TMEM117: variants seen among roughly 807,000 people sequenced by gnomAD.
The protein encoded by TMEM117 is transmembrane protein 117.
A neutral mutation model predicts 52.4 loss-of-function variants in TMEM117; 27 were observed. That is an observed-to-expected ratio of 0.51 (90% CI 0.38 to 0.71). The LOEUF is 0.71. Ranked by LOEUF, TMEM117 falls within the 30% of genes least tolerant of loss-of-function variation. TMEM117 has a pLI of 0.00. For missense variants in TMEM117, 556 were observed against 630.5 expected (o/e 0.88, Z 1.26); for synonymous variants, 215 against 206.3 (o/e 1.04, Z -0.36).
chr12:43,857,686 A>G (rs1048503507), intron 2 of TMEM117, among the ~76,000 whole-genome samples: 2 of 152,236 alleles, frequency 1.3e-5, no homozygotes, highest in South Asian at 4.1e-4. Flanking sequence ...GTCCTGGCTG[A>G]GTAGAGTACT....
At chr12:44,356,267 G>T (rs1463362588) in intron 6 of TMEM117, among the ~76,000 whole-genome samples, 1 of 152,116 alleles carries the variant, frequency 6.6e-6, no homozygotes, top group Non-Finnish European at 1.5e-5. Context: ...AACTGCATTT[G>T]TTGCAAACTG....
rs1369216155 is a variant in TMEM117 at position 44,010,823 on chromosome 12, C to T, written c.410+66481C>T. Among the ~76,000 whole-genome samples, 4 of 152,180 alleles carry T rather than the reference C, an allele frequency of 2.6e-5. No individual in the cohort carries two copies. The South Asian group carries it at 8.3e-4, about 31-fold the overall frequency. ...CATCCCTTGTATAATTGCTATCATTCATTTTACTTATACAAAACTGTATCT... is the reference window on the plus strand; with the variant it reads ...CATCCCTTGTATAATTGCTATCATTTATTTTACTTATACAAAACTGTATCT... On this transcript the variant is annotated intron_variant, in intron 3 of 7. Coordinates refer to ENST00000266534, the MANE Select transcript of TMEM117 (RefSeq NM_032256.3).
At chr12:44,318,899 G>A (rs1357166689) in intron 6 of TMEM117, among the ~76,000 whole-genome samples, 2 of 152,210 alleles carry the variant, frequency 1.3e-5, no homozygotes, top group African/African-American at 4.8e-5. Flanking sequence ...AGTGTCCCCT[G>A]CACCATGATC....
chr12:44,139,263 A>G (rs1458681796), intron 3 of TMEM117, among the ~76,000 whole-genome samples: 2 of 152,118 alleles, frequency 1.3e-5, no homozygotes, highest in Non-Finnish European at 2.9e-5. Context: ...GACTGCAACC[A>G]CTTATGTATG....
At chr12:44,046,054 C>G (rs1038293811) in intron 3 of TMEM117, among the ~76,000 whole-genome samples, 1 of 152,094 alleles carries the variant, frequency 6.6e-6, no homozygotes, top group African/African-American at 2.4e-5. Flanking sequence ...TCTGAATCAG[C>G]GTTCAATATA....
chr12:44,063,020 T>G (rs1176750526), intron 3 of TMEM117, among the ~76,000 whole-genome samples: 5 of 152,208 alleles, frequency 3.3e-5, no homozygotes, highest in Non-Finnish European at 7.3e-5. Context: ...AATGATGTCA[T>G]GCACCTGCTG....
At chr12:44,212,771 T>A (rs1949663720) in intron 5 of TMEM117, among the ~76,000 whole-genome samples, 1 of 152,038 alleles carries the variant, frequency 6.6e-6, no homozygotes, top group African/African-American at 2.4e-5. Context: ...AAAAATCTGT[T>A]TATTCTTGGA....
At chr12:44,024,458 C>A (rs940773638) in intron 3 of TMEM117, among the ~76,000 whole-genome samples, 1 of 151,868 alleles carries the variant, frequency 6.6e-6, no homozygotes, top group African/African-American at 2.4e-5. Flanking sequence ...CTGATGAGAA[C>A]AAGTTAAGAA....
chr12:44,102,080 T>C (rs1947870724), intron 3 of TMEM117, among the ~76,000 whole-genome samples: 1 of 151,952 alleles, frequency 6.6e-6, no homozygotes, highest in Non-Finnish European at 1.5e-5. Context: ...GTTTAAAAAT[T>C]AGAATAATGA....
intron 2 of TMEM117, among the ~76,000 whole-genome samples, chr12:43,864,667 C>T (rs930232224): frequency 1.3e-4 from 20 of 152,136 alleles, no homozygotes; most frequent in African/African-American, 4.3e-4. Context: ...CACCAATCAG[C>T]ACCCTGTCAA....
intron 5 of TMEM117, among the ~76,000 whole-genome samples, 187 bp downstream of exon 5, chr12:44,211,574 T>A (rs987431790): frequency 1.3e-5 from 2 of 152,208 alleles, no homozygotes; most frequent in Admixed American, 1.3e-4. Flanking sequence ...TTGTGTATAT[T>A]CACATTTATA....
At chr12:44,260,256 T>A (rs1391227119) in intron 5 of TMEM117, among the ~76,000 whole-genome samples, 1 of 152,170 alleles carries the variant, frequency 6.6e-6, no homozygotes, top group African/African-American at 2.4e-5. Context: ...CACTGGTAAT[T>A]TTTATGGTAA....
chr12:43,967,444 G>A (rs1945504131), intron 3 of TMEM117, among the ~76,000 whole-genome samples: 1 of 152,044 alleles, frequency 6.6e-6, no homozygotes, highest in Admixed American at 6.6e-5. Context: ...CTGAGGTTAG[G>A]GTGGCTTCTG....
chr12:44,386,209 C>T (rs976687236), intron 7 of TMEM117, among the ~76,000 whole-genome samples: 1 of 152,208 alleles, frequency 6.6e-6, no homozygotes, highest in South Asian at 2.1e-4. Context: ...TGATGAAATC[C>T]TTTCTGAAAG....
At chr12:44,119,574 A>C (rs1480873640) in intron 3 of TMEM117, among the ~76,000 whole-genome samples, 1 of 152,028 alleles carries the variant, frequency 6.6e-6, no homozygotes, top group African/African-American at 2.4e-5. Flanking sequence ...TTCTTATTGC[A>C]GTTGTCCTTT....
chr12:44,174,964 G>T (rs2138295090), intron 4 of TMEM117, among the ~76,000 whole-genome samples: 1 of 152,340 alleles, frequency 6.6e-6, no homozygotes, highest in Middle Eastern at 3.4e-3. Flanking sequence ...GATCCAAAGA[G>T]AAAGAGATTC....
At chr12:44,317,121 G>T (rs1565708209) in intron 6 of TMEM117, among the ~76,000 whole-genome samples, 1 of 146,640 alleles carries the variant, frequency 6.8e-6, no homozygotes, top group African/African-American at 2.5e-5. Flanking sequence ...AGGGACCATT[G>T]CTGGAGATCT....
chr12:44,123,434 A>C (rs562971457), intron 3 of TMEM117, among the ~76,000 whole-genome samples: 1 of 152,118 alleles, frequency 6.6e-6, no homozygotes, highest in African/African-American at 2.4e-5. Context: ...TTTTGCTTTC[A>C]TTGCAATTGC....
intron 4 of TMEM117, among the ~76,000 whole-genome samples, chr12:44,145,565 A>G (rs1565847439): frequency 6.6e-6 from 1 of 152,186 alleles, no homozygotes; most frequent in Admixed American, 6.5e-5. Context: ...TAAGTGCTTC[A>G]TTGTGCACAT....
Sources: allele counts gnomAD v4.1 joint callset (sites outside exome capture counted in the v4.1 genomes callset), GRCh38; gene constraint gnomAD v4.1.1; transcripts MANE v1.5; gene names NCBI Gene and HGNC (gene_info 2026-07-23, HGNC 2026-07-21).